The following KRTAP5-3 variants were observed in gnomAD, a reference collection of about 807,000 sequenced individuals.
KRTAP5-3 encodes keratin-associated protein 5-3.
In KRTAP5-3, 1 loss-of-function variant was observed where a neutral mutation model predicts 2.3. The ratio of observed to expected loss-of-function variants is 0.44; its 90% CI spans 0.16 to 2.10. The LOEUF is 2.10. KRTAP5-3 is among the 30% of genes most tolerant of loss of function. The pLI, the probability that KRTAP5-3 is intolerant of heterozygous loss-of-function variation, is 0.28. For synonymous variants in KRTAP5-3, 92 were observed against 117.6 expected (o/e 0.78, Z 1.41); for missense variants, 229 against 291.4 (o/e 0.79, Z 1.56).
chr11:1,608,153 C>T lies in KRTAP5-3; in HGVS notation c.233G>A (p.Gly78Asp). ...GCCCCCCTTGGAGCCTCCACAGGAG[C>T]CACAGCCCCCCTTGCAGCCCCCACA... Reference protein sequence around the residue: ...GSCGGCKGGCGSCGGSKGGCG... With the variant: ...GSCGGCKGGCDSCGGSKGGCG... Residue 78 changes from glycine to aspartate, a missense_variant, in exon 1 of 1, where the codon GGC (glycine) becomes GAC (aspartate). By Grantham distance (94) the Gly-to-Asp change is moderately conservative. Transcript: ENST00000399685. 6.2e-7 allele frequency: 1 copy of T among 1,603,358 alleles called. No individual in the cohort carries two copies. The highest frequency in any genetic ancestry group is 8.5e-7 in the Non-Finnish European group (1 of 1,175,382).
At position 1,607,731 on chromosome 11, in the gene KRTAP5-3, A is replaced by C; in HGVS notation, c.655T>G (p.Cys219Gly). Reference protein sequence around the residue: ...CGSSCCQSSCCKPCSSQSSCC... With the variant: ...CGSSCCQSSCGKPCSSQSSCC... ...CTGGACTGGGAGGAGCAGGGCTTGC[A>C]GCAGCTGGACTGGCAGCAGGATGAC... The change falls in exon 1 of 1, where the codon TGC (cysteine) becomes GGC (glycine). Residue 219 changes from cysteine to glycine, a missense_variant. Transcript: ENST00000399685. The C allele has an allele frequency of 6.4e-7, 1 of 1,571,094 alleles. No individual in the cohort carries two copies. The highest frequency in any genetic ancestry group is 2.3e-5 in the East Asian group (1 of 42,690).
chr11:1,608,104 G>C lies in KRTAP5-3; in HGVS notation c.282C>G (p.Pro94=), dbSNP rs184639580. The change falls in exon 1 of 1, where the codon CCC becomes CCG. Residue 94 remains proline, a synonymous_variant. Transcript: ENST00000399685. ...KGGCGSSCCV[P]VCCSSSCGSC... ...AGCCACAGCTGGAGGAGCAGCAGACGGGCACACAGCAGCTGGAGCCACAGC... is the reference window on the plus strand; with the variant it reads ...AGCCACAGCTGGAGGAGCAGCAGACCGGCACACAGCAGCTGGAGCCACAGC... 9 of 1,595,358 alleles carry C rather than the reference G, an allele frequency of 5.6e-6. No individual in the cohort carries two copies. The highest frequency in any genetic ancestry group is 7.7e-6 in the Non-Finnish European group (9 of 1,175,216).
At position 1,607,644 on chromosome 11, in the gene KRTAP5-3, C is replaced by T. The variant is rs1189165908; in HGVS notation, c.*25G>A. ...TCCTGGAGAGCCCGGATCTGTAGGACCCACTGAGGTTTGTGGGCAGAGCCT... is the reference window on the plus strand; with the variant it reads ...TCCTGGAGAGCCCGGATCTGTAGGATCCACTGAGGTTTGTGGGCAGAGCCT... On this transcript the variant is annotated 3_prime_UTR_variant, in exon 1 of 1. Coordinates refer to ENST00000399685, the MANE Select transcript of KRTAP5-3 (RefSeq NM_001012708.2). The T allele has an allele frequency of 1.2e-6, 2 of 1,614,136 alleles. No individual in the cohort carries two copies. The highest frequency in any genetic ancestry group is 1.1e-5 in the South Asian group (1 of 91,080).
At position 1,607,869 on chromosome 11, in the gene KRTAP5-3, G is replaced by A. The variant is rs201674720; in HGVS notation, c.517C>T (p.Pro173Ser). Residue 173 changes from proline (P) to serine (S), a missense_variant, in exon 1 of 1, where the codon CCC (proline) becomes TCC (serine). Pro to Ser is a moderately conservative substitution (Grantham distance 74). Around this residue, in one of 2 missense-constraint regions of KRTAP5-3, gnomAD observed 39 missense variants for 83.8 expected, o/e 0.47. Transcript: ENST00000399685. ...CCACAGCCTGAGGAGCAGCAGCAGG[G>A]CTTACAGCAGCTGGACTGGGAACAG... ...PCCSQSSCCK[P>S]CCCSSGCGSS... 220 of 1,600,720 alleles carry A rather than the reference G, an allele frequency of 1.4e-4. No individual in the cohort carries two copies. In the Middle Eastern group the frequency reaches 1.5e-3, roughly 11 times the overall value.
Position 1,608,246 on chromosome 11 carries a change from C to A in KRTAP5-3, c.140G>T (p.Cys47Phe), listed in dbSNP as rs774564639. The part of the protein sequence containing the change: ...VPVCCCKPVC[C>F]CVPACSCSSC... Reference sequence around the variant, plus strand: ...GGAGCAGGAACAGGCTGGCACACAGCAGCACACGGGCTTGCAGCAGCAGAC... The same window carrying A: ...GGAGCAGGAACAGGCTGGCACACAGAAGCACACGGGCTTGCAGCAGCAGAC... Residue 47 changes from cysteine to phenylalanine, a missense_variant, in exon 1 of 1, where the codon TGC becomes TTC. Around this residue, in one of 2 missense-constraint regions of KRTAP5-3, gnomAD observed 190 missense variants for 207.6 expected, o/e 0.92. Coordinates refer to ENST00000399685, the MANE Select transcript of KRTAP5-3 (RefSeq NM_001012708.2). 6 of 1,607,062 alleles carry A rather than the reference C, an allele frequency of 3.7e-6. No homozygotes were observed. The South Asian group carries it at 6.6e-5, about 18-fold the overall frequency.
Position 1,607,602 on chromosome 11 carries a change from G to C in KRTAP5-3, c.*67C>G. The stretch of plus-strand genomic sequence containing the variant: ...TCAGAGACGTGCTTCAGGAATTCAG[G>C]ACACAGCTGCAATCATTCCTGGAGA... On this transcript the variant is annotated 3_prime_UTR_variant, in exon 1 of 1. Transcript: ENST00000399685. The C allele has an allele frequency of 1.2e-6, 2 of 1,610,358 alleles. No individual in the cohort carries two copies. Among genetic ancestry groups the C allele is most frequent in the Non-Finnish European group, 1.7e-6 (2 of 1,177,562 alleles).
rs1280535291 is a variant in KRTAP5-3 at position 1,607,862 on chromosome 11, C to T, written c.524G>A (p.Cys175Tyr). ...GGATGACCCACAGCCTGAGGAGCAG[C>T]AGCAGGGCTTACAGCAGCTGGACTG... ...CSQSSCCKPCCCSSGCGSSCC... is the reference protein window; with the variant it reads ...CSQSSCCKPCYCSSGCGSSCC... Residue 175 changes from cysteine to tyrosine, a missense_variant, in exon 1 of 1, where the codon TGC (cysteine) becomes TAC (tyrosine). Cys to Tyr is a radical substitution (Grantham distance 194, BLOSUM62 -2). This residue lies in a region of KRTAP5-3 where 39 missense variants were observed against 83.8 expected (regional missense o/e 0.47). Transcript: ENST00000399685. 12 of 1,602,336 alleles carry T rather than the reference C, an allele frequency of 7.5e-6. No homozygotes were observed. Among genetic ancestry groups the T allele is most frequent in the Non-Finnish European group, 1.0e-5 (12 of 1,172,926 alleles).
chr11:1,608,386 G>A lies in KRTAP5-3; in HGVS notation c.-1C>T. On this transcript the variant is annotated 5_prime_UTR_variant, in exon 1 of 1. Coordinates refer to ENST00000399685, the MANE Select transcript of KRTAP5-3 (RefSeq NM_001012708.2). The stretch of plus-strand genomic sequence containing the variant: ...CTCCAGAGCAGCCAGAGCAGCCCAT[G>A]GTTCTGGTGGGTTGAGGGTGGAGCA... 1.2e-6 allele frequency: 2 copies of A among 1,611,980 alleles called. No individual in the cohort carries two copies. Among genetic ancestry groups the A allele is most frequent in the Non-Finnish European group, 8.5e-7 (1 of 1,179,700 alleles).
In KRTAP5-3 at chr11:1,608,075, C is replaced by A; in HGVS notation, c.311G>T (p.Cys104Phe). 6.4e-7 allele frequency: 1 copy of A among 1,569,008 alleles called. No homozygotes were observed. The highest frequency in any genetic ancestry group is 2.4e-5 in the East Asian group (1 of 41,860). ...TCCACAGACCCCCTTGGAACCCCCACAGGAGCCACAGCTGGAGGAGCAGCA... is the reference window on the plus strand; with the variant it reads ...TCCACAGACCCCCTTGGAACCCCCAAAGGAGCCACAGCTGGAGGAGCAGCA... Reference protein sequence around the residue: ...PVCCSSSCGSCGGSKGVCGFR... With the variant: ...PVCCSSSCGSFGGSKGVCGFR... Residue 104 changes from cysteine (C) to phenylalanine (F), a missense_variant, in exon 1 of 1, where the codon TGT becomes TTT. Coordinates refer to ENST00000399685, the MANE Select transcript of KRTAP5-3 (RefSeq NM_001012708.2).
At position 1,607,916 on chromosome 11, in the gene KRTAP5-3, T is replaced by A; in HGVS notation, c.470A>T (p.Gln157Leu). 2 of 1,611,328 alleles carry A rather than the reference T, an allele frequency of 1.2e-6. No individual in the cohort carries two copies. The highest frequency in any genetic ancestry group is 1.7e-6 in the Non-Finnish European group (2 of 1,178,240). The change falls in exon 1 of 1, where the codon CAG becomes CTG. Residue 157 changes from glutamine (Q) to leucine (L), a missense_variant. By Grantham distance (113) the Gln-to-Leu change is moderately radical. Transcript: ENST00000399685. ...QSSCCKPSCSQSSCCKPCCSQ... is the reference protein window; with the variant it reads ...QSSCCKPSCSLSSCCKPCCSQ... ...ACAGCAGGGCTTACAGCAGCTGGAC[T>A]GGGAGCAGCTGGGCTTGCAGCAGCT...
Position 1,607,786 on chromosome 11 carries a change from ACAGCAGC to A in KRTAP5-3, c.593_599del (p.Ser198IlefsTer66). ...AGCCTGAGGAGCAGCAGCAGGGCTTACAGCAGCTGGACTGGGAACAGCAGGGTTTGCA... is the reference window on the plus strand; with the variant it reads ...AGCCTGAGGAGCAGCAGCAGGGCTTATGGACTGGGAACAGCAGGGTTTGCA... On this transcript the variant is annotated frameshift_variant, in exon 1 of 1. Transcript: ENST00000399685. LOFTEE classifies it low-confidence loss of function (END_TRUNC). 14 of 1,560,898 alleles carry A rather than the reference ACAGCAGC, an allele frequency of 9.0e-6. No individual in the cohort carries two copies. The highest frequency in any genetic ancestry group is 3.5e-5 in the Admixed American group (2 of 57,894).
chr11:1,608,103 C>T lies in KRTAP5-3; in HGVS notation c.283G>A (p.Val95Ile), dbSNP rs764667825. Residue 95 changes from valine (V) to isoleucine (I), a missense_variant, in exon 1 of 1, where the codon GTC (valine) becomes ATC (isoleucine). Physicochemically the swap from Val to Ile is conservative, Grantham distance 29 (BLOSUM62 3). Transcript: ENST00000399685. Reference sequence around the variant, plus strand: ...GAGCCACAGCTGGAGGAGCAGCAGACGGGCACACAGCAGCTGGAGCCACAG... The same window carrying T: ...GAGCCACAGCTGGAGGAGCAGCAGATGGGCACACAGCAGCTGGAGCCACAG... ...GGCGSSCCVP[V>I]CCSSSCGSCG... 26 of 1,578,802 alleles carry T rather than the reference C, an allele frequency of 1.6e-5. No individual in the cohort carries two copies. The African/African-American group carries it at 2.2e-4, about 13-fold the overall frequency.
In KRTAP5-3 at chr11:1,608,412, G is replaced by A; in HGVS notation, c.-27C>T. 6.2e-7 allele frequency: 1 copy of A among 1,609,040 alleles called. No individual in the cohort carries two copies. Among genetic ancestry groups the A allele is most frequent in the South Asian group, 1.1e-5 (1 of 90,442 alleles). On this transcript the variant is annotated 5_prime_UTR_variant, in exon 1 of 1. Coordinates refer to ENST00000399685, the MANE Select transcript of KRTAP5-3 (RefSeq NM_001012708.2). Reference sequence around the variant, plus strand: ...GTTCTGGTGGGTTGAGGGTGGAGCAGGTAGAGGAGCAGGTGAGAGGGAGGT... The same window carrying A: ...GTTCTGGTGGGTTGAGGGTGGAGCAAGTAGAGGAGCAGGTGAGAGGGAGGT...
rs181480331 is a variant in KRTAP5-3, at chr11:1,608,324, C to A, written c.62G>T (p.Cys21Phe). The change falls in exon 1 of 1, where the codon TGT (cysteine) becomes TTT (phenylalanine). Residue 21 changes from cysteine (C) to phenylalanine (F), a missense_variant. This residue lies in a region of KRTAP5-3 where 190 missense variants were observed against 207.6 expected (regional missense o/e 0.92). Transcript: ENST00000399685. ...CCCATAGCCGGAGCCACAGCCCCCACAGCTGGAGCCACAGCCCCCACAGCT... is the reference window on the plus strand; with the variant it reads ...CCCATAGCCGGAGCCACAGCCCCCAAAGCTGGAGCCACAGCCCCCACAGCT... ...GSSCGGCGSS[C>F]GGCGSGYGGC... 6.2e-7 allele frequency: 1 copy of A among 1,609,726 alleles called. No individual in the cohort carries two copies. Among genetic ancestry groups the A allele is most frequent in the African/African-American group, 1.4e-5 (1 of 73,298 alleles).
Position 1,607,602 on chromosome 11 carries a change from G to A in KRTAP5-3, c.*67C>T, listed in dbSNP as rs1849426283. On this transcript the variant is annotated 3_prime_UTR_variant, in exon 1 of 1. Transcript: ENST00000399685. Reference sequence around the variant, plus strand: ...TCAGAGACGTGCTTCAGGAATTCAGGACACAGCTGCAATCATTCCTGGAGA... The same window carrying A: ...TCAGAGACGTGCTTCAGGAATTCAGAACACAGCTGCAATCATTCCTGGAGA... 1 of 1,610,240 alleles carries A rather than the reference G, an allele frequency of 6.2e-7. No individual in the cohort carries two copies. The highest frequency in any genetic ancestry group is 8.5e-7 in the Non-Finnish European group (1 of 1,177,570).
Position 1,608,080 on chromosome 11 carries a change from GC to G in KRTAP5-3, c.305del (p.Gly102AlafsTer164), listed in dbSNP as rs1849435317. 8 of 1,601,638 alleles carry G rather than the reference GC, an allele frequency of 5.0e-6. No homozygotes were observed. Among genetic ancestry groups the G allele is most frequent in the Non-Finnish European group, 6.8e-6 (8 of 1,177,502 alleles). ...AGACCCCCTTGGAACCCCCACAGGA[GC>G]CACAGCTGGAGGAGCAGCAGACGGG... ...CVPVCCSSSC[G>X]SCGGSKGVCG... On this transcript the variant is annotated frameshift_variant, in exon 1 of 1. Transcript: ENST00000399685. LOFTEE classifies it low-confidence loss of function (END_TRUNC).
chr11:1,608,218 G>T lies in KRTAP5-3; in HGVS notation c.168C>A (p.Ser56Arg). ...CCTTGGAGCCCCCACAGGAGCCACAGCTGGAGCAGGAACAGGCTGGCACAC... is the reference window on the plus strand; with the variant it reads ...CCTTGGAGCCCCCACAGGAGCCACATCTGGAGCAGGAACAGGCTGGCACAC... ...CCCVPACSCS[S>R]CGSCGGSKGV... is the part of the protein sequence containing the mutation. The change falls in exon 1 of 1, where the codon AGC (serine) becomes AGA (arginine). Residue 56 changes from serine (S) to arginine (R), a missense_variant. Around this residue, in one of 2 missense-constraint regions of KRTAP5-3, gnomAD observed 190 missense variants for 207.6 expected, o/e 0.92. Coordinates refer to ENST00000399685, the MANE Select transcript of KRTAP5-3 (RefSeq NM_001012708.2). 6.2e-7 allele frequency: 1 copy of T among 1,604,144 alleles called. No homozygotes were observed. Among genetic ancestry groups the T allele is most frequent in the Non-Finnish European group, 8.5e-7 (1 of 1,177,834 alleles).
In KRTAP5-3 at chr11:1,608,437, T is replaced by G. The variant is rs1849443444; in HGVS notation, c.-52A>C. 1.4e-6 allele frequency: 2 copies of G among 1,463,768 alleles called. No homozygotes were observed. The highest frequency in any genetic ancestry group is 4.5e-5 in the East Asian group (2 of 44,734). 90.7% of individuals were successfully genotyped at this position (1,463,768 alleles called of 1,614,324 possible). ...GGTAGAGGAGCAGGTGAGAGGGAGG[T>G]GTGCAGGTGTGGAGTTCTCTGAGCC... is the stretch of plus-strand genomic sequence containing the variant. On this transcript the variant is annotated 5_prime_UTR_variant, in exon 1 of 1. Coordinates refer to ENST00000399685, the MANE Select transcript of KRTAP5-3 (RefSeq NM_001012708.2).
chr11:1,608,417 AG>A lies in KRTAP5-3; in HGVS notation c.-33del. 2 of 1,607,936 alleles carry A rather than the reference AG, an allele frequency of 1.2e-6. No homozygotes were observed. The highest frequency in any genetic ancestry group is 1.7e-6 in the Non-Finnish European group (2 of 1,177,640). ...GGTGGGTTGAGGGTGGAGCAGGTAG[AG>A]GAGCAGGTGAGAGGGAGGTGTGCAG... On this transcript the variant is annotated 5_prime_UTR_variant, in exon 1 of 1. Coordinates refer to ENST00000399685, the MANE Select transcript of KRTAP5-3 (RefSeq NM_001012708.2).
Sources: gnomAD v4.1 joint callset for allele counts on GRCh38, gnomAD v4.1.1 for gene constraint, gnomAD v4.1.1 regional missense constraint, MANE v1.5 for transcripts, NCBI Gene and HGNC (gene_info 2026-07-23, HGNC 2026-07-21) for gene names.